ASCC1: variants seen among roughly 807,000 people sequenced by gnomAD.
ASCC1 encodes ASC-1 complex subunit P50.
A neutral mutation model predicts 46.6 loss-of-function variants in ASCC1; 35 were observed. The observed-to-expected ratio is 0.75, with a 90% CI of 0.57 to 0.99. The LOEUF (loss-of-function observed/expected upper bound fraction) is 0.99, where lower values mean the gene tolerates loss of function less well. Among genes scored for constraint, ASCC1 ranks in the 50% least tolerant of loss-of-function variants. The pLI, the probability that ASCC1 is intolerant of heterozygous loss-of-function variation, is 0.00. For missense variants in ASCC1, 376 were observed against 428.7 expected (o/e 0.88, Z 1.09); for synonymous variants, 143 against 146.6 (o/e 0.98, Z 0.18).
chr10:72,184,083 G>A (rs1248689463), intron 5 of ASCC1, among the ~76,000 whole-genome samples: 1 of 152,072 alleles, frequency 6.6e-6, no homozygotes, highest in Non-Finnish European at 1.5e-5. Context: ...GGCGGAGGTT[G>A]CAGTGAGCCG....
intron 3 of ASCC1, among the ~76,000 whole-genome samples, chr10:72,208,238 G>C (rs930793672): frequency 1.3e-5 from 2 of 151,590 alleles, no homozygotes; most frequent in African/African-American, 4.8e-5. Context: ...GAAATCAAAA[G>C]ATTATCAAGT....
intron 5 of ASCC1, among the ~76,000 whole-genome samples, chr10:72,194,119 C>T (rs1193162013): frequency 6.6e-6 from 1 of 151,740 alleles, no homozygotes; most frequent in Non-Finnish European, 1.5e-5. Flanking sequence ...CTCCTGACCT[C>T]GTGATCTGCC....
At chr10:72,197,028 C>T (rs1341230901) in intron 4 of ASCC1, 39 bp from the exon 5 acceptor site, 1 of 1,606,660 alleles carries the variant, frequency 6.2e-7, no homozygotes, top group Non-Finnish European at 8.5e-7. Flanking sequence ...CTCAAGGACC[C>T]CCAAATGCTT....
At chr10:72,134,847 C>T (rs1846006600) in intron 7 of ASCC1, among the ~76,000 whole-genome samples, 1 of 152,140 alleles carries the variant, frequency 6.6e-6, no homozygotes, top group African/African-American at 2.4e-5. Flanking sequence ...CCGTACAGTA[C>T]AACACTCGAG....
intron 7 of ASCC1, among the ~76,000 whole-genome samples, chr10:72,140,338 G>A (rs1478693431): frequency 6.6e-6 from 1 of 151,958 alleles, no homozygotes; most frequent in Non-Finnish European, 1.5e-5. Flanking sequence ...TGGGGCCCAG[G>A]GCAGGCACTA....
chr10:72,108,983 G>A (rs1328453129), intron 9 of ASCC1, among the ~76,000 whole-genome samples: 2 of 152,176 alleles, frequency 1.3e-5, no homozygotes, highest in African/African-American at 4.8e-5. Context: ...CAATGAGGGT[G>A]GCAGGTAGTG....
chr10:72,157,980 T>C (rs1485820799), intron 6 of ASCC1, among the ~76,000 whole-genome samples: 3 of 152,220 alleles, frequency 2.0e-5, no homozygotes, highest in South Asian at 2.1e-4. Context: ...TCTCTGACTG[T>C]AACATTTCTT....
chr10:72,171,644 T>C (rs540496334), intron 5 of ASCC1, among the ~76,000 whole-genome samples: 2 of 152,304 alleles, frequency 1.3e-5, no homozygotes, highest in South Asian at 4.1e-4. Context: ...CTCGAACTCC[T>C]GACCTCAAGT....
intron 6 of ASCC1, among the ~76,000 whole-genome samples, chr10:72,155,929 T>C (rs1037054433): frequency 2.0e-5 from 3 of 152,242 alleles, no homozygotes; most frequent in Non-Finnish European, 4.4e-5. Flanking sequence ...AATAAATCTC[T>C]GGCAAACATT....
chr10:72,142,402 T>C (rs976767916), intron 7 of ASCC1, among the ~76,000 whole-genome samples: 2 of 151,360 alleles, frequency 1.3e-5, no homozygotes, highest in Admixed American at 1.3e-4. Flanking sequence ...AGTCTTCCTC[T>C]GTTGCCCAGG....
chr10:72,116,780 C>T (rs1017554471), intron 9 of ASCC1, among the ~76,000 whole-genome samples: 1 of 152,052 alleles, frequency 6.6e-6, no homozygotes, highest in Admixed American at 6.6e-5. Flanking sequence ...TTTAATAGTT[C>T]CCAATTCTCT....
chr10:72,190,545 G>A (rs547565791), intron 5 of ASCC1: 25 of 1,479,390 alleles, frequency 1.7e-5, no homozygotes, highest in South Asian at 1.3e-4. Flanking sequence ...TGGAGAAGGC[G>A]CAATACTCTC....
At chr10:72,162,418 G>A (rs1464707135) in intron 5 of ASCC1, among the ~76,000 whole-genome samples, 7 of 151,844 alleles carry the variant, frequency 4.6e-5, no homozygotes, top group Non-Finnish European at 1.0e-4. Context: ...TGATCCGCCC[G>A]CCTCAGCCTC....
Position 72,097,236 on chromosome 10 carries a change from T to C in ASCC1, c.*98A>G, listed in dbSNP as rs748717804. On this transcript the variant is annotated 3_prime_UTR_variant, in exon 10 of 10. Coordinates refer to ENST00000672957, the MANE Select transcript of ASCC1 (RefSeq NM_001198800.3). The stretch of plus-strand genomic sequence containing the variant: ...GGGGAACCACCCAGGAAAGTCACCA[T>C]CCAAATGTCCACATCCCTGCTTGGC... The C allele has an allele frequency of 1.1e-5, 10 of 875,608 alleles. No individual in the cohort carries two copies. The South Asian group carries it at 1.2e-4, about 10-fold the overall frequency. 54.2% of individuals were successfully genotyped at this position (875,608 alleles called of 1,614,324 possible).
intron 5 of ASCC1, among the ~76,000 whole-genome samples, chr10:72,194,063 C>T (rs898051754): frequency 6.6e-6 from 1 of 150,468 alleles, no homozygotes; most frequent in Admixed American, 6.6e-5. Context: ...AGGATGGTCT[C>T]AATCTAGAGA....
At chr10:72,215,390 C>T (rs1174240561) in intron 1 of ASCC1, among the ~76,000 whole-genome samples, 3 of 152,190 alleles carry the variant, frequency 2.0e-5, no homozygotes, top group African/African-American at 7.2e-5. Context: ...CAGAGCGAGA[C>T]TTCGTCTCAA....
chr10:72,106,385 A>G (rs1187896002), intron 9 of ASCC1, among the ~76,000 whole-genome samples: 4 of 152,178 alleles, frequency 2.6e-5, no homozygotes, highest in African/African-American at 9.7e-5. Flanking sequence ...AAAGGATGCT[A>G]TTGTTCTCAT....
At chr10:72,200,415 C>A (rs926045309) in intron 4 of ASCC1, among the ~76,000 whole-genome samples, 2 of 151,988 alleles carry the variant, frequency 1.3e-5, no homozygotes, top group Non-Finnish European at 2.9e-5. Context: ...CTTTGGGAGG[C>A]TGAGGCTGGC....
At position 72,126,663 on chromosome 10, in the gene ASCC1, T is replaced by C. The variant is rs1179156628; in HGVS notation, c.957+1419A>G. Among the ~76,000 whole-genome samples the C allele has an allele frequency of 2.0e-5, 3 of 152,230 alleles. 1 individual carries two copies. In the East Asian group the frequency reaches 5.8e-4, roughly 29 times the overall value. On this transcript the variant is annotated intron_variant, in intron 9 of 9. Transcript: ENST00000672957. ...CCTAAAGATTTCTTTCCCCATTCAG[T>C]CTATTTTCTTTCTTAACCAAATTAA...
Sources: allele counts gnomAD v4.1 joint callset (sites outside exome capture counted in the v4.1 genomes callset), GRCh38; gene constraint gnomAD v4.1.1; transcripts MANE v1.5; gene names NCBI Gene and HGNC (gene_info 2026-07-23, HGNC 2026-07-21).